Variants in PCBP4 observed in about 807,000 individuals in gnomAD.
PCBP4 encodes the protein poly(rC)-binding protein 4.
PCBP4 carries 24 observed loss-of-function variants against 46.2 expected under a neutral mutation model. The observed-to-expected ratio is 0.52, with a 90% CI of 0.38 to 0.73. PCBP4 has a LOEUF of 0.73. Ranked by LOEUF, PCBP4 falls within the 30% of genes least tolerant of loss-of-function variation. PCBP4 has a pLI of 0.00. For missense variants in PCBP4, 407 were observed against 537.0 expected (o/e 0.76, Z 2.39); for synonymous variants, 203 against 224.4 (o/e 0.90, Z 0.85).
chr3:51,959,889 C>T lies in PCBP4; in HGVS notation c.516+6G>A. 1 of 1,578,466 alleles carries T rather than the reference C, an allele frequency of 6.3e-7. No homozygotes were observed. Among genetic ancestry groups the T allele is most frequent in the Non-Finnish European group, 8.6e-7 (1 of 1,161,044 alleles). On this transcript the variant is annotated splice_donor_region_variant and intron_variant, in intron 8 of 13. Coordinates refer to ENST00000461554, the MANE Select transcript of PCBP4 (RefSeq NM_001174100.2). The surrounding 1 kb of genome is among the most constrained non-coding windows in gnomAD (Gnocchi z 5.6). ...TGCCCCCTCTCTCCCTGCCCCAGGG[C>T]AGCACCTCCAGGATAACAGCGCAGA...
At position 51,958,764 on chromosome 3, in the gene PCBP4, C is replaced by T. The variant is rs1478215955; in HGVS notation, c.923+26G>A. On this transcript the variant is annotated intron_variant, in intron 13 of 13. Transcript: ENST00000461554. This position sits in a 1 kb window ranked among gnomAD's most constrained non-coding sequence, Gnocchi z 5.4. Reference sequence around the variant, plus strand: ...GCACATGAGAACCGTGACCTGCTCCCCCACTGCCGCCCAGCCCGCGCTCAC... The same window carrying T: ...GCACATGAGAACCGTGACCTGCTCCTCCACTGCCGCCCAGCCCGCGCTCAC... 1.3e-6 allele frequency: 2 copies of T among 1,598,804 alleles called. No homozygotes were observed. Among genetic ancestry groups the T allele is most frequent in the Non-Finnish European group, 1.7e-6 (2 of 1,170,900 alleles).
rs1238476302 is a variant in PCBP4, at chr3:51,963,932, T to C, written c.-212-1844A>G. Among the ~76,000 whole-genome samples the C allele has an allele frequency of 4.6e-5, 7 of 152,326 alleles. No individual in the cohort carries two copies. The South Asian group carries it at 1.4e-3, about 32-fold the overall frequency. On this transcript the variant is annotated intron_variant, in intron 1 of 13. Transcript: ENST00000461554. ...GCTCCCCCTGCCCTCAGTGGGGCTCTAGGGAGTCATTTGCTGCTCCAGCCG... is the reference window on the plus strand; with the variant it reads ...GCTCCCCCTGCCCTCAGTGGGGCTCCAGGGAGTCATTTGCTGCTCCAGCCG...
At position 51,959,704 on chromosome 3, in the gene PCBP4, C is replaced by A; in HGVS notation, c.517-53G>T. Reference sequence around the variant, plus strand: ...GGACCCTCTCAGGCTCCGATAACCTCCCCAGCTGCCCAGTGGCCTCAGGCC... The same window carrying A: ...GGACCCTCTCAGGCTCCGATAACCTACCCAGCTGCCCAGTGGCCTCAGGCC... On this transcript the variant is annotated intron_variant, in intron 8 of 13. Coordinates refer to ENST00000461554, the MANE Select transcript of PCBP4 (RefSeq NM_001174100.2). This position sits in a 1 kb window ranked among gnomAD's most constrained non-coding sequence, Gnocchi z 5.6. The A allele has an allele frequency of 6.6e-7, 1 of 1,508,066 alleles. No homozygotes were observed. 93.4% of individuals were successfully genotyped at this position (1,508,066 alleles called of 1,614,324 possible).
chr3:51,965,256 C>G (rs771343064), intron 1 of PCBP4, among the ~76,000 whole-genome samples: 2 of 152,266 alleles, frequency 1.3e-5, no homozygotes, highest in African/African-American at 2.4e-5. Flanking sequence ...CCATCAAGGA[C>G]CTTCATGATC....
At chr3:51,964,948 A>T (rs1241763204) in intron 1 of PCBP4, among the ~76,000 whole-genome samples, 2 of 152,220 alleles carry the variant, frequency 1.3e-5, no homozygotes, top group Non-Finnish European at 2.9e-5. Flanking sequence ...CCAGGAAGGG[A>T]AAGGCAGCTC....
intron 1 of PCBP4, 49 bp from the exon 2 acceptor site, chr3:51,962,137 T>TGGAACACTTTCTACTGTACCA: frequency 6.6e-6 from 1 of 152,280 alleles, no homozygotes; most frequent in Non-Finnish European, 1.5e-5. Context: ...ATTCCCAGCC[T>TGGAACACTTTCTACTGTACCA]GGAACACTTT....
At chr3:51,963,050 C>G (rs1405641237) in intron 1 of PCBP4, 1 of 152,274 alleles carries the variant, frequency 6.6e-6, no homozygotes, top group Non-Finnish European at 1.5e-5. Context: ...GACAGCCAAG[C>G]CCAGGAGCCC....
chr3:51,958,663 G>T lies in PCBP4; in HGVS notation c.923+127C>A. The T allele has an allele frequency of 9.6e-7, 1 of 1,036,548 alleles. No homozygotes were observed. Among genetic ancestry groups the T allele is most frequent in the Non-Finnish European group, 1.4e-6 (1 of 724,844 alleles). The allele number at this position is 1,036,548 out of a possible 1,614,324, so 64.2% of individuals were successfully genotyped here. ...GCAAAGACCATGGGGAATTGGAGTA[G>T]GGTTAGGAGAGGCAGAGGTCGGGCC... On this transcript the variant is annotated intron_variant, in intron 13 of 13. Coordinates refer to ENST00000461554, the MANE Select transcript of PCBP4 (RefSeq NM_001174100.2). The surrounding 1 kb of genome is among the most constrained non-coding windows in gnomAD (Gnocchi z 5.4).
chr3:51,960,686 G>A lies in PCBP4; in HGVS notation c.139-44C>T. The A allele has an allele frequency of 6.5e-7, 1 of 1,545,930 alleles. No individual in the cohort carries two copies. The highest frequency in any genetic ancestry group is 8.9e-7 in the Non-Finnish European group (1 of 1,117,806). ...CGCCGGGCAGCGGGGCATCTTCCCT[G>A]CTCCCTTGCCGGAACTTGTCTGCCT... On this transcript the variant is annotated intron_variant, in intron 5 of 13. Coordinates refer to ENST00000461554, the MANE Select transcript of PCBP4 (RefSeq NM_001174100.2). This position sits in a 1 kb window ranked among gnomAD's most constrained non-coding sequence, Gnocchi z 5.0.
At position 51,967,393 on chromosome 3, in the gene PCBP4, T is replaced by A. The variant is rs1208902003; in HGVS notation, c.-280A>T. On this transcript the variant is annotated 5_prime_UTR_variant, in exon 1 of 14. Transcript: ENST00000461554. ...GGCTGGGCCGCTCAGTCCCACATTG[T>A]CCCCGGGAGAGGCGGCCGCTCACAA... The A allele has an allele frequency of 6.7e-6, 1 of 149,890 alleles. No individual in the cohort carries two copies. Among genetic ancestry groups the A allele is most frequent in the Non-Finnish European group, 1.5e-5 (1 of 67,590 alleles). 9.3% of individuals were successfully genotyped at this position (149,890 alleles called of 1,614,324 possible). A position where few individuals can be genotyped will look rare whatever the true frequency, so the allele number is the denominator to read the frequency against.
chr3:51,966,967 G>T (rs1700463512), intron 1 of PCBP4, among the ~76,000 whole-genome samples: 1 of 152,192 alleles, frequency 6.6e-6, no homozygotes, highest in Admixed American at 6.5e-5. Flanking sequence ...ATGGGAAGGA[G>T]TGTGTGCCCA....
Position 51,959,645 on chromosome 3 carries a change from G to A in PCBP4, c.523C>T (p.Pro175Ser), listed in dbSNP as rs1171905626. Residue 175 changes from proline (P) to serine (S), a missense_variant, in exon 9 of 14, where the codon CCC (proline) becomes TCC (serine). Pro to Ser is a moderately conservative substitution (Grantham distance 74, BLOSUM62 -1). Coordinates refer to ENST00000461554, the MANE Select transcript of PCBP4 (RefSeq NM_001174100.2). The surrounding 1 kb of genome is among the most constrained non-coding windows in gnomAD (Gnocchi z 5.6). ...TGGTAGGGGATAGTGGCTCCTTTGG[G>A]TGGGGACTGGAAGGCATAAACAGGG... ...QICAVILESP[P>S]KGATIPYHPS... The A allele has an allele frequency of 5.2e-6, 8 of 1,551,682 alleles. No homozygotes were observed. The highest frequency in any genetic ancestry group is 2.4e-5 in the East Asian group (1 of 40,950).
At chr3:51,961,616 C>A (rs1346099020) in intron 2 of PCBP4, 3 of 357,872 alleles carry the variant, frequency 8.4e-6, no homozygotes, top group African/African-American at 2.1e-5. Flanking sequence ...CTTTCCCTTA[C>A]CCTGAGACAC....
In PCBP4 at chr3:51,958,166, T is replaced by G; in HGVS notation, c.1107A>C (p.Pro369=). Residue 369 remains proline, a synonymous_variant, in exon 14 of 14, where the codon CCA becomes CCC. Coordinates refer to ENST00000461554, the MANE Select transcript of PCBP4 (RefSeq NM_001174100.2). The surrounding 1 kb of genome is among the most constrained non-coding windows in gnomAD (Gnocchi z 5.4). The part of the protein sequence containing the change: ...GLKPMPFLAL[P]PASPGPPPGL... Reference sequence around the variant, plus strand: ...CCGGCGGCGGCCCTGGGGAAGCAGGTGGTAAAGCCAAGAAGGGCATGGGCT... The same window carrying G: ...CCGGCGGCGGCCCTGGGGAAGCAGGGGGTAAAGCCAAGAAGGGCATGGGCT... 1 of 1,612,918 alleles carries G rather than the reference T, an allele frequency of 6.2e-7. No individual in the cohort carries two copies. The highest frequency in any genetic ancestry group is 1.1e-5 in the South Asian group (1 of 91,010).
At position 51,962,541 on chromosome 3, in the gene PCBP4, G is replaced by A. The variant is rs1413693069; in HGVS notation, c.-212-453C>T. ...TGGGCCAAGACCAAGCCCTAACACT[G>A]CAAATTCCTCATGCCCAGGAGGGTG... On this transcript the variant is annotated intron_variant, in intron 1 of 13. Transcript: ENST00000461554. 1.3e-5 allele frequency among the ~76,000 whole-genome samples: 2 copies of A among 152,134 alleles called. 1 individual carries two copies.
chr3:51,958,872 C>T lies in PCBP4; in HGVS notation c.841G>A (p.Ala281Thr), dbSNP rs902757943. 1 of 1,613,974 alleles carries T rather than the reference C, an allele frequency of 6.2e-7. No homozygotes were observed. Residue 281 changes from alanine (A) to threonine (T), a missense_variant, in exon 13 of 14, where the codon GCA (alanine) becomes ACA (threonine). By Grantham distance (58) the Ala-to-Thr change is moderately conservative. Transcript: ENST00000461554. This position sits in a 1 kb window ranked among gnomAD's most constrained non-coding sequence, Gnocchi z 5.4. ...SGAHIKIGNQAEGAGERHVTI... is the reference protein window; with the variant it reads ...SGAHIKIGNQTEGAGERHVTI... ...ACATGCCGCTCCCCAGCGCCCTCTG[C>T]TTGGTTCCCGATCTTGATATGTGCC...
chr3:51,959,978 A>G lies in PCBP4; in HGVS notation c.433T>C (p.Ser145Pro). ...GATACCGTAACAGCTCGCTCTGTGG[A>G]GTTGGGGAGCAGGTCCCCTGCCACC... ...VQVAGDLLPN[S>P]TERAVTVSGV... Residue 145 changes from serine (S) to proline (P), a missense_variant, in exon 8 of 14, where the codon TCC (serine) becomes CCC (proline). Coordinates refer to ENST00000461554, the MANE Select transcript of PCBP4 (RefSeq NM_001174100.2). The surrounding 1 kb of genome is among the most constrained non-coding windows in gnomAD (Gnocchi z 5.6). The G allele has an allele frequency of 6.2e-7, 1 of 1,614,128 alleles. No homozygotes were observed. The highest frequency in any genetic ancestry group is 8.5e-7 in the Non-Finnish European group (1 of 1,179,992).
intron 2 of PCBP4, 148 bp from the exon 3 acceptor site, chr3:51,961,452 G>A (rs191496851): frequency 2.2e-6 from 2 of 926,480 alleles, no homozygotes; most frequent in African/African-American, 3.3e-5. Flanking sequence ...TCTGACCAGG[G>A]TGCTTATGTG....
chr3:51,959,728 C>T lies in PCBP4; in HGVS notation c.517-77G>A. 6.8e-7 allele frequency: 1 copy of T among 1,470,316 alleles called. No individual in the cohort carries two copies. The highest frequency in any genetic ancestry group is 9.3e-7 in the Non-Finnish European group (1 of 1,078,056). The allele number at this position is 1,470,316 out of a possible 1,614,324, so 91.1% of individuals were successfully genotyped here. ...TCCCCAGCTGCCCAGTGGCCTCAGG[C>T]CCCCACCATGACCCCCAGGGAAATG... is the stretch of plus-strand genomic sequence containing the variant. On this transcript the variant is annotated intron_variant, in intron 8 of 13. Coordinates refer to ENST00000461554, the MANE Select transcript of PCBP4 (RefSeq NM_001174100.2). This position sits in a 1 kb window ranked among gnomAD's most constrained non-coding sequence, Gnocchi z 5.6.
Sources: allele counts gnomAD v4.1 joint callset (sites outside exome capture counted in the v4.1 genomes callset), GRCh38; gene constraint gnomAD v4.1.1; non-coding constraint Gnocchi (gnomAD v3.1); transcripts MANE v1.5; gene names NCBI Gene and HGNC (gene_info 2026-07-23, HGNC 2026-07-21).